Variants in ZNF783 observed in about 807,000 individuals in gnomAD.
The protein encoded by ZNF783 is zinc finger protein 783, also known as protein ZNF783.
ZNF783 carries 25 observed loss-of-function variants against 31.3 expected under a neutral mutation model. The ratio of observed to expected loss-of-function variants is 0.80; its 90% CI spans 0.58 to 1.11. The LOEUF (loss-of-function observed/expected upper bound fraction) is 1.11. Ranked by LOEUF, ZNF783 falls within the 50% of genes most tolerant of loss-of-function variation. The pLI is 0.00. For missense variants in ZNF783, 797 were observed against 760.0 expected, an observed-to-expected ratio of 1.05 and a Z score of -0.57; for synonymous variants, 369 against 319.1, an observed-to-expected ratio of 1.16 and a Z score of -1.66.
In ZNF783 at chr7:149,266,810, T is replaced by C. The variant is rs368009370; in HGVS notation, c.421-9T>C. On this transcript the variant is annotated splice_polypyrimidine_tract_variant and intron_variant, in intron 2 of 5. Coordinates refer to ENST00000434415, the MANE Select transcript of ZNF783 (RefSeq NM_001195220.2). ...TGTGGGTGAGTGAGTGCGACACTTA[T>C]GGTTCCAGGTGCCCGTGACCTTCGA... The C allele has an allele frequency of 5.8e-5, 93 of 1,613,858 alleles. No homozygotes were observed. In the African/African-American group the frequency reaches 7.7e-4, roughly 13 times the overall value.
intron 4 of ZNF783, among the ~76,000 whole-genome samples, chr7:149,272,752 A>T (rs1032721333): frequency 6.6e-6 from 1 of 152,166 alleles, no homozygotes; most frequent in Non-Finnish European, 1.5e-5. Context: ...CATTCCAATT[A>T]TACTTTTAGT....
At chr7:149,266,306 A>G (rs748731079) in intron 1 of ZNF783, 29 bp from the exon 2 acceptor site, 2 of 1,510,060 alleles carry the variant, frequency 1.3e-6, no homozygotes, top group African/African-American at 1.4e-5. Context: ...AATTCTCATA[A>G]CATCTCTCTT....
At chr7:149,273,460 G>T (rs76951807) in intron 4 of ZNF783, among the ~76,000 whole-genome samples, 2 of 152,132 alleles carry the variant, frequency 1.3e-5, no homozygotes, top group East Asian at 3.9e-4. Context: ...GGGATGAGAT[G>T]ATATGTCATT....
At position 149,262,294 on chromosome 7, in the gene ZNF783, G is replaced by T; in HGVS notation, c.-40G>T. On this transcript the variant is annotated 5_prime_UTR_variant, in exon 1 of 6. Transcript: ENST00000434415. Reference sequence around the variant, plus strand: ...CGCGCCGCCCCGGGCCCGACAGGCCGGGTCCAGGGACTGCAACCCAGCGAG... The same window carrying T: ...CGCGCCGCCCCGGGCCCGACAGGCCTGGTCCAGGGACTGCAACCCAGCGAG... The T allele has an allele frequency of 7.4e-7, 1 of 1,347,472 alleles. No individual in the cohort carries two copies. Among genetic ancestry groups the T allele is most frequent in the Non-Finnish European group, 9.6e-7 (1 of 1,046,308 alleles). 83.5% of individuals were successfully genotyped at this position (1,347,472 alleles called of 1,614,324 possible).
In ZNF783 at chr7:149,281,668, G is replaced by A; in HGVS notation, c.966G>A (p.Arg322=). ...GTCATCAGGCCCAGGGCATGCCCAG[G>A]GTGCGGGCAGGGGAGCCACGGCCAC... ...PSRHQAQGMP[R]VRAGEPRPPG... The change falls in exon 6 of 6, where the codon AGG becomes AGA. Residue 322 remains arginine, a synonymous_variant. Coordinates refer to ENST00000434415, the MANE Select transcript of ZNF783 (RefSeq NM_001195220.2). 1 of 1,514,500 alleles carries A rather than the reference G, an allele frequency of 6.6e-7. No individual in the cohort carries two copies. Among genetic ancestry groups the A allele is most frequent in the Non-Finnish European group, 8.7e-7 (1 of 1,142,934 alleles). The allele number at this position is 1,514,500 out of a possible 1,614,324, so 93.8% of individuals were successfully genotyped here. A position where few individuals can be genotyped will look rare whatever the true frequency, so the allele number is the denominator to read the frequency against.
At position 149,281,874 on chromosome 7, in the gene ZNF783, A is replaced by C; in HGVS notation, c.1172A>C (p.Gln391Pro). ...GRSPTSCGDS[Q>P]AMLEPGEVVV... is the part of the protein sequence containing the mutation. The stretch of plus-strand genomic sequence containing the variant: ...TCGCCCACCAGCTGCGGGGACAGCC[A>C]GGCCATGCTGGAGCCGGGGGAGGTG... Residue 391 changes from glutamine to proline, a missense_variant, in exon 6 of 6, where the codon CAG (glutamine) becomes CCG (proline). Gln to Pro is a moderately conservative substitution (Grantham distance 76). Coordinates refer to ENST00000434415, the MANE Select transcript of ZNF783 (RefSeq NM_001195220.2). The C allele has an allele frequency of 6.6e-7, 1 of 1,505,552 alleles. No individual in the cohort carries two copies. Among genetic ancestry groups the C allele is most frequent in the Non-Finnish European group, 8.8e-7 (1 of 1,134,658 alleles). The allele number at this position is 1,505,552 out of a possible 1,614,324, so 93.3% of individuals were successfully genotyped here.
intron 5 of ZNF783, among the ~76,000 whole-genome samples, chr7:149,280,425 G>T (rs1797439051): frequency 6.7e-6 from 1 of 148,900 alleles, no homozygotes; most frequent in East Asian, 2.1e-4. Context: ...GTGGGGTGGG[G>T]TTGGGGTTGG....
intron 1 of ZNF783, among the ~76,000 whole-genome samples, chr7:149,263,490 A>ATATC (rs748938303): frequency 5.3e-5 from 8 of 151,872 alleles, no homozygotes; most frequent in South Asian, 2.1e-4. Context: ...TGTCTCATTT[A>ATATC]TATCTATCTA....
intron 1 of ZNF783, among the ~76,000 whole-genome samples, chr7:149,264,514 C>T (rs1396904396): frequency 3.9e-5 from 6 of 152,084 alleles, no homozygotes; most frequent in African/African-American, 1.4e-4. Flanking sequence ...ATGCCAGGTA[C>T]ACTGGGAAGC....
chr7:149,279,632 GTTTTT>G (rs764203926), intron 5 of ZNF783, among the ~76,000 whole-genome samples: 2 of 100,342 alleles, frequency 2.0e-5, no homozygotes, highest in African/African-American at 3.7e-5. Context: ...TTTTATCTTT[GTTTTT>G]TTTTTTTTTT....
chr7:149,263,324 AT>A (rs1210367064), intron 1 of ZNF783, among the ~76,000 whole-genome samples: 32 of 108,286 alleles, frequency 3.0e-4, no homozygotes, highest in Admixed American at 3.7e-4. Context: ...ATATATATAT[AT>A]TTTTTTTTTA....
chr7:149,281,423 C>G (rs1455789769), intron 5 of ZNF783, 82 bp from the exon 6 acceptor site: 5 of 1,284,154 alleles, frequency 3.9e-6, no homozygotes, highest in Non-Finnish European at 5.1e-6. Context: ...CGGGCTGAGG[C>G]TGGAAGCCAG....
At chr7:149,275,426 C>G (rs1184295806) in intron 4 of ZNF783, among the ~76,000 whole-genome samples, 1 of 151,892 alleles carries the variant, frequency 6.6e-6, no homozygotes, top group Non-Finnish European at 1.5e-5. Context: ...CATTCTCCTG[C>G]CTCAGCCTCC....
chr7:149,276,888 G>A (rs1373286246), intron 4 of ZNF783, among the ~76,000 whole-genome samples: 7 of 151,294 alleles, frequency 4.6e-5, no homozygotes, highest in Non-Finnish European at 5.9e-5. Flanking sequence ...TTGCTCTGTC[G>A]CCCAGGCTGG....
In ZNF783 at chr7:149,274,563, A is replaced by G. The variant is rs940920960; in HGVS notation, c.674-3836A>G. Among the ~76,000 whole-genome samples, 119 of 152,276 alleles carry G rather than the reference A, an allele frequency of 7.8e-4. 1 individual carries two copies. Among genetic ancestry groups the G allele is most frequent in the Admixed American group, 7.6e-3 (116 of 15,296 alleles). ...GTATTTTTAGTAGAGACGGAGTTTC[A>G]CCATATTGGTCAGGCTGGTTTTGAA... On this transcript the variant is annotated intron_variant, in intron 4 of 5. Coordinates refer to ENST00000434415, the MANE Select transcript of ZNF783 (RefSeq NM_001195220.2).
At chr7:149,280,540 C>T (rs1797441971) in intron 5 of ZNF783, among the ~76,000 whole-genome samples, 1 of 152,162 alleles carries the variant, frequency 6.6e-6, no homozygotes, top group African/African-American at 2.4e-5. Flanking sequence ...TGGGGTCCTT[C>T]CTGGTCTTTC....
rs145726675 is a variant in ZNF783 at position 149,279,333 on chromosome 7, C to T, written c.802+806C>T. Among the ~76,000 whole-genome samples the T allele has an allele frequency of 3.6e-3, 556 of 152,380 alleles. 2 individuals are homozygous for T. Among genetic ancestry groups the T allele is most frequent in the Non-Finnish European group, 6.4e-3 (436 of 68,040 alleles). On this transcript the variant is annotated intron_variant, in intron 5 of 5. Transcript: ENST00000434415. ...CAGACCTGGAACGGTGTCCGGGAGC[C>T]TCCCAACCCTCTGTTCTTTTCAGGC...
At position 149,268,994 on chromosome 7, in the gene ZNF783, C is replaced by G. The variant is rs531515135; in HGVS notation, c.673+1772C>G. Among the ~76,000 whole-genome samples the G allele has an allele frequency of 3.9e-3, 587 of 152,308 alleles. 1 individual carries two copies. Among genetic ancestry groups the G allele is most frequent in the Middle Eastern group, 6.8e-3 (2 of 294 alleles). On this transcript the variant is annotated intron_variant, in intron 4 of 5. Transcript: ENST00000434415. The stretch of plus-strand genomic sequence containing the variant: ...AGGATTGCTGGGTCAAATGGTAGTT[C>G]TGTTTTAAGTCCCTTGAGAAATCTT...
chr7:149,271,980 A>G (rs1349161301), intron 4 of ZNF783, among the ~76,000 whole-genome samples: 2 of 152,170 alleles, frequency 1.3e-5, no homozygotes, highest in African/African-American at 4.8e-5. Flanking sequence ...CGTTGTGCAT[A>G]AATCAGTTCA....
Sources: allele counts gnomAD v4.1 joint callset (sites outside exome capture counted in the v4.1 genomes callset), GRCh38; gene constraint gnomAD v4.1.1; transcripts MANE v1.5; gene names NCBI Gene and HGNC (gene_info 2026-07-23, HGNC 2026-07-21).